CNTN4: variants seen among roughly 807,000 people sequenced by gnomAD.
The protein encoded by CNTN4 is contactin 4.
CNTN4 carries 77 observed loss-of-function variants against 122.5 expected under a neutral mutation model. The ratio of observed to expected loss-of-function variants is 0.63; its 90% CI spans 0.52 to 0.76. The LOEUF (loss-of-function observed/expected upper bound fraction) is 0.76, where lower values mean the gene tolerates loss of function less well. Ranked by LOEUF, CNTN4 falls within the 30% of genes least tolerant of loss-of-function variation. CNTN4 has a pLI of 0.00. For missense variants in CNTN4, 1,256 were observed against 1,259.1 expected, an observed-to-expected ratio of 1.00 and a Z score of 0.04; for synonymous variants, 512 against 447.0, an observed-to-expected ratio of 1.15 and a Z score of -1.83.
intron 3 of CNTN4, among the ~76,000 whole-genome samples, chr3:2,549,735 C>A (rs891766852): frequency 6.6e-6 from 1 of 152,126 alleles, no homozygotes; most frequent in Non-Finnish European, 1.5e-5. Context: ...GGGAGGAGTC[C>A]TTCTTTTTCT....
chr3:2,258,517 G>A (rs935114876), intron 2 of CNTN4, among the ~76,000 whole-genome samples: 3 of 151,896 alleles, frequency 2.0e-5, no homozygotes, highest in African/African-American at 7.3e-5. Flanking sequence ...ATTAACATTA[G>A]CTATTGCTTA....
At chr3:2,356,533 G>A (rs2044880380) in intron 3 of CNTN4, among the ~76,000 whole-genome samples, 1 of 152,134 alleles carries the variant, frequency 6.6e-6, no homozygotes, top group Admixed American at 6.5e-5. Context: ...ACAACCAGAG[G>A]TCACTCTCTT....
chr3:2,315,310 T>G (rs1332567932), intron 2 of CNTN4, among the ~76,000 whole-genome samples: 1 of 152,004 alleles, frequency 6.6e-6, no homozygotes, highest in Non-Finnish European at 1.5e-5. Flanking sequence ...TTGCCACTTG[T>G]ATGAATTAAG....
At chr3:2,817,664 T>C (rs2150220867) in intron 6 of CNTN4, among the ~76,000 whole-genome samples, 1 of 152,328 alleles carries the variant, frequency 6.6e-6, no homozygotes, top group East Asian at 1.9e-4. Context: ...TGATTGGTTT[T>C]ACCTAGATGA....
intron 2 of CNTN4, among the ~76,000 whole-genome samples, chr3:2,236,905 C>T (rs997511399): frequency 2.0e-5 from 3 of 152,120 alleles, no homozygotes; most frequent in Non-Finnish European, 4.4e-5. Flanking sequence ...TAAGAGAGAT[C>T]GTGCCAGAAG....
rs200868653 is a variant in CNTN4, at chr3:3,050,297, AT to A, written c.2812-3509del. On this transcript the variant is annotated intron_variant, in intron 23 of 24. Coordinates refer to ENST00000418658, the MANE Select transcript of CNTN4 (RefSeq NM_175607.3). ...AATGTTCATGTCTAACTCAAAAAAA[AT>A]AACACTATGACAGCCAAACAAATAA... is the stretch of plus-strand genomic sequence containing the variant. Among the ~76,000 whole-genome samples, 1,473 of 152,268 alleles carry A rather than the reference AT, an allele frequency of 9.7e-3. 27 individuals are homozygous for A. The highest frequency in any genetic ancestry group is 0.034 in the African/African-American group (1,394 of 41,524).
chr3:2,836,433 G>A (rs957313527), intron 7 of CNTN4, among the ~76,000 whole-genome samples: 2 of 152,016 alleles, frequency 1.3e-5, no homozygotes, highest in Non-Finnish European at 2.9e-5. Flanking sequence ...TGTTGGTAAC[G>A]CTTACATAGT....
At chr3:2,324,229 G>T (rs2043371585) in intron 2 of CNTN4, among the ~76,000 whole-genome samples, 1 of 152,066 alleles carries the variant, frequency 6.6e-6, no homozygotes, top group Non-Finnish European at 1.5e-5. Context: ...ATTCAAAGAG[G>T]CTTAGGGTTT....
At chr3:2,812,109 A>C (rs1053533456) in intron 6 of CNTN4, among the ~76,000 whole-genome samples, 22 of 152,158 alleles carry the variant, frequency 1.4e-4, no homozygotes, top group Non-Finnish European at 3.1e-4. Context: ...AACACCACAC[A>C]CTGGGGCCTG....
chr3:2,709,532 G>A lies in CNTN4; in HGVS notation c.56-26683G>A, dbSNP rs1030178046. 2.0e-5 allele frequency among the ~76,000 whole-genome samples: 3 copies of A among 152,160 alleles called. No homozygotes were observed. Among genetic ancestry groups the A allele is most frequent in the Admixed American group, 6.5e-5 (1 of 15,282 alleles). ...CGTTTGCCTCAGGCTAAAGATTTAT[G>A]CCAGACTTCTAGACCAGTCTCCTTT... On this transcript the variant is annotated intron_variant, in intron 4 of 24. Transcript: ENST00000418658. This position sits in a 1 kb window ranked among gnomAD's most constrained non-coding sequence, Gnocchi z 5.0.
rs575574665 is a variant in CNTN4, at chr3:2,237,272, G to A, written c.-144-101906G>A. Among the ~76,000 whole-genome samples, 4 of 152,172 alleles carry A rather than the reference G, an allele frequency of 2.6e-5. No individual in the cohort carries two copies. In the South Asian group the frequency reaches 8.3e-4, roughly 32 times the overall value. ...TAGTGGTGGATTGGCTATATAGGAG[G>A]GATGAGAGGGAGGCAGAATATCACA... is the stretch of plus-strand genomic sequence containing the variant. On this transcript the variant is annotated intron_variant, in intron 2 of 24. Transcript: ENST00000418658.
At chr3:2,180,018 T>C (rs1286161818) in intron 2 of CNTN4, among the ~76,000 whole-genome samples, 1 of 151,964 alleles carries the variant, frequency 6.6e-6, no homozygotes, top group African/African-American at 2.4e-5. Context: ...ATGAGCAACA[T>C]TTCAAGGGCT....
chr3:2,853,365 C>T (rs2150689871), intron 7 of CNTN4, among the ~76,000 whole-genome samples: 1 of 152,270 alleles, frequency 6.6e-6, no homozygotes, highest in South Asian at 2.1e-4. Context: ...CTGCCTCAGC[C>T]TCCCAAGTAG....
chr3:2,432,654 ATG>A (rs1196334848), intron 3 of CNTN4, among the ~76,000 whole-genome samples: 4 of 151,188 alleles, frequency 2.6e-5, no homozygotes, highest in Middle Eastern at 3.4e-3. Flanking sequence ...GTGTATATAT[ATG>A]TGTGTGTATA....
At chr3:2,961,514 A>C (rs2094858899) in intron 13 of CNTN4, among the ~76,000 whole-genome samples, 1 of 152,092 alleles carries the variant, frequency 6.6e-6, no homozygotes, top group South Asian at 2.1e-4. Context: ...CCTTATAGCA[A>C]ATGACAACCC....
intron 6 of CNTN4, among the ~76,000 whole-genome samples, chr3:2,775,038 T>C (rs1171074068): frequency 6.6e-6 from 1 of 152,210 alleles, no homozygotes; most frequent in East Asian, 1.9e-4. Flanking sequence ...TGGTGCTCTT[T>C]ATTCATCATA....
At chr3:3,055,723 C>T (rs751449998) in intron 24 of CNTN4, among the ~76,000 whole-genome samples, 5 of 152,112 alleles carry the variant, frequency 3.3e-5, no homozygotes, top group African/African-American at 1.2e-4. Flanking sequence ...TAATACCTGG[C>T]CTTCATCCAG....
intron 1 of CNTN4, chr3:2,099,671 T>G (rs1026068627): frequency 6.6e-6 from 1 of 152,326 alleles, no homozygotes; most frequent in East Asian, 1.9e-4. Flanking sequence ...CCCCAGTCTC[T>G]GCCGCGGGAG....
chr3:3,037,430 G>A, intron 18 of CNTN4, 102 bp downstream of exon 18: 3 of 1,470,858 alleles, frequency 2.0e-6, no homozygotes, highest in Non-Finnish European at 1.9e-6. Context: ...GCGGCTCTGT[G>A]TTAGCTCACC....
Sources: gnomAD v4.1 joint callset for allele counts (sites outside exome capture counted in the v4.1 genomes callset) on GRCh38, gnomAD v4.1.1 for gene constraint, Gnocchi (gnomAD v3.1) non-coding constraint, MANE v1.5 for transcripts, NCBI Gene and HGNC (gene_info 2026-07-23, HGNC 2026-07-21) for gene names.